Variants in SGCZ observed in about 807,000 individuals in gnomAD.
SGCZ encodes the protein zeta-sarcoglycan.
In SGCZ, 40 loss-of-function variants were observed where a neutral mutation model predicts 41.3. That is an observed-to-expected ratio of 0.97 (90% CI 0.75 to 1.26). The LOEUF is 1.26. Among genes scored for constraint, SGCZ ranks in the 50% most tolerant of loss-of-function variants. The pLI, the probability that SGCZ is intolerant of heterozygous loss-of-function variation, is 0.00. For missense variants in SGCZ, 552 were observed against 369.8 expected, an observed-to-expected ratio of 1.49 and a Z score of -4.04; for synonymous variants, 206 against 137.5, an observed-to-expected ratio of 1.50 and a Z score of -3.49.
chr8:14,493,359 C>CATTTTTTTTTTTTT (rs1801898388), intron 2 of SGCZ, among the ~76,000 whole-genome samples: 1 of 44,268 alleles, frequency 2.3e-5, no homozygotes, highest in Non-Finnish European at 4.2e-5. Flanking sequence ...ATCATCCTTT[C>CATTTTTTTTTTTTT]TTTTTTTTTT....
At chr8:14,690,115 T>C (rs575696721) in intron 1 of SGCZ, among the ~76,000 whole-genome samples, 59 of 146,238 alleles carry the variant, frequency 4.0e-4, no homozygotes, top group African/African-American at 1.5e-3. Flanking sequence ...TGTTGTCTCT[T>C]TTTTTTTTTT....
chr8:14,932,702 C>A (rs1169589146), intron 1 of SGCZ, among the ~76,000 whole-genome samples: 1 of 152,050 alleles, frequency 6.6e-6, no homozygotes, highest in African/African-American at 2.4e-5. Context: ...GCCCACATGA[C>A]CTTCAAGCAC....
chr8:14,237,755 T>A, intron 3 of SGCZ, 76 bp from the exon 4 acceptor site: 2 of 1,340,346 alleles, frequency 1.5e-6, no homozygotes, highest in Non-Finnish European at 1.0e-6. Context: ...ACTGCATTTG[T>A]TTGGATATTC....
chr8:14,463,083 G>A (rs920113052), intron 2 of SGCZ, among the ~76,000 whole-genome samples: 1 of 151,512 alleles, frequency 6.6e-6, no homozygotes, highest in African/African-American at 2.4e-5. Context: ...CCATATTTTT[G>A]TGGAATCTTT....
intron 1 of SGCZ, among the ~76,000 whole-genome samples, chr8:14,618,791 TA>T (rs1806190210): frequency 6.6e-6 from 1 of 152,130 alleles, no homozygotes; most frequent in South Asian, 2.1e-4. Flanking sequence ...GTATATGTAA[TA>T]ATTTTAAGAT....
chr8:14,239,028 T>C (rs1806872635), intron 3 of SGCZ, among the ~76,000 whole-genome samples: 1 of 150,784 alleles, frequency 6.6e-6, no homozygotes, highest in Non-Finnish European at 1.5e-5. Context: ...GAAAAAAAAG[T>C]CTAGTTTTTT....
intron 1 of SGCZ, among the ~76,000 whole-genome samples, chr8:14,589,033 C>G (rs1164571948): frequency 4.6e-5 from 7 of 151,988 alleles, no homozygotes; most frequent in African/African-American, 1.7e-4. Context: ...CTTCTTTCAC[C>G]CTTCCATCAA....
chr8:15,071,705 G>T (rs533569535), intron 1 of SGCZ, among the ~76,000 whole-genome samples: 1 of 152,106 alleles, frequency 6.6e-6, no homozygotes, highest in African/African-American at 2.4e-5. Context: ...CAACCTCAAA[G>T]TTAAAATAAA....
At chr8:14,548,578 A>T in intron 2 of SGCZ, among the ~76,000 whole-genome samples, 1 of 152,164 alleles carries the variant, frequency 6.6e-6, no homozygotes, top group East Asian at 1.9e-4. Flanking sequence ...AAATGCACAT[A>T]ACAAAACATA....
At chr8:14,221,272 C>G (rs886138192) in intron 4 of SGCZ, among the ~76,000 whole-genome samples, 1 of 152,108 alleles carries the variant, frequency 6.6e-6, no homozygotes, top group Non-Finnish European at 1.5e-5. Flanking sequence ...GGAAAGCATA[C>G]GTTGAAAGAC....
At chr8:15,149,176 AT>A (rs141701374) in intron 1 of SGCZ, among the ~76,000 whole-genome samples, 17 of 151,370 alleles carry the variant, frequency 1.1e-4, no homozygotes, top group African/African-American at 3.9e-4. Context: ...CATTATTCTT[AT>A]TTTTTTTTAT....
chr8:14,717,297 T>C (rs1809723346), intron 1 of SGCZ, among the ~76,000 whole-genome samples: 1 of 152,174 alleles, frequency 6.6e-6, no homozygotes, highest in African/African-American at 2.4e-5. Context: ...ACATGCTTTC[T>C]TTCCTGTGTT....
intron 2 of SGCZ, among the ~76,000 whole-genome samples, chr8:14,445,483 T>C (rs1413257083): frequency 6.6e-6 from 1 of 152,016 alleles, no homozygotes; most frequent in Non-Finnish European, 1.5e-5. Flanking sequence ...GAGGAAGTGG[T>C]GACTGGACTT....
In SGCZ at chr8:15,081,701, C is replaced by T. The variant is rs1465380679; in HGVS notation, c.39+155884G>A. On this transcript the variant is annotated intron_variant, in intron 1 of 7. Transcript: ENST00000382080. The stretch of plus-strand genomic sequence containing the variant: ...TGATAATGAAGGGAATGTACACAAG[C>T]TGCCAAATTTTCGGATTTTTCTTAA... 3.3e-5 allele frequency among the ~76,000 whole-genome samples: 5 copies of T among 152,218 alleles called. No homozygotes were observed. In the East Asian group the frequency reaches 9.7e-4, roughly 29 times the overall value.
chr8:15,021,991 C>T (rs1207838699), intron 1 of SGCZ, among the ~76,000 whole-genome samples: 1 of 152,144 alleles, frequency 6.6e-6, no homozygotes, highest in Non-Finnish European at 1.5e-5. Flanking sequence ...GAAACATAAC[C>T]TTGTGCATAA....
At chr8:14,274,229 A>G (rs1800156326) in intron 3 of SGCZ, among the ~76,000 whole-genome samples, 2 of 152,182 alleles carry the variant, frequency 1.3e-5, no homozygotes, top group African/African-American at 4.8e-5. Context: ...ACAGAAGAAA[A>G]TAAAGCATTG....
chr8:14,307,601 T>G (rs1222508004), intron 3 of SGCZ, among the ~76,000 whole-genome samples: 1 of 152,130 alleles, frequency 6.6e-6, no homozygotes, highest in Non-Finnish European at 1.5e-5. Context: ...GGATCACACT[T>G]TGGTCCTATG....
At chr8:14,965,861 G>A (rs1490391237) in intron 1 of SGCZ, among the ~76,000 whole-genome samples, 1 of 151,796 alleles carries the variant, frequency 6.6e-6, no homozygotes. Flanking sequence ...AATAATAATA[G>A]GATTGTATTA....
intron 1 of SGCZ, among the ~76,000 whole-genome samples, chr8:14,725,966 T>G (rs752722026): frequency 6.6e-6 from 1 of 151,934 alleles, no homozygotes; most frequent in Non-Finnish European, 1.5e-5. Context: ...AAGTAAAATA[T>G]TATTAGGTAA....
Sources: allele counts gnomAD v4.1 joint callset (sites outside exome capture counted in the v4.1 genomes callset), GRCh38; gene constraint gnomAD v4.1.1; transcripts MANE v1.5; gene names NCBI Gene and HGNC (gene_info 2026-07-23, HGNC 2026-07-21).